Variants in TRPC7 observed in about 807,000 individuals in gnomAD.
TRPC7 encodes short transient receptor potential channel 7.
In TRPC7, 42 loss-of-function variants were observed where a neutral mutation model predicts 90.1. The observed-to-expected ratio is 0.47, with a 90% CI of 0.36 to 0.60. The LOEUF (loss-of-function observed/expected upper bound fraction) is 0.60, where lower values mean the gene tolerates loss of function less well. Ranked by LOEUF, TRPC7 falls within the 20% of genes least tolerant of loss-of-function variation. The probability of loss-of-function intolerance (pLI) is 0.00; values close to 1 mark genes in which losing one functional copy is unlikely to be tolerated. For missense variants in TRPC7, 955 were observed against 1,112.3 expected, an observed-to-expected ratio of 0.86 and a Z score of 2.01; for synonymous variants, 451 against 436.3, an observed-to-expected ratio of 1.03 and a Z score of -0.42.
chr5:136,272,560 T>C (rs960014133), intron 4 of TRPC7, among the ~76,000 whole-genome samples: 4 of 152,188 alleles, frequency 2.6e-5, no homozygotes, highest in Non-Finnish European at 2.9e-5. Context: ...TGCCACAGAC[T>C]GAGTTATCGA....
intron 7 of TRPC7, among the ~76,000 whole-genome samples, chr5:136,233,100 ATG>A (rs932860543): frequency 6.6e-6 from 1 of 152,158 alleles, no homozygotes; most frequent in East Asian, 1.9e-4. Context: ...GTGCGTGTGC[ATG>A]TGTGTGTGTC....
chr5:136,271,251 T>A (rs1218255771), intron 4 of TRPC7, among the ~76,000 whole-genome samples: 1 of 152,180 alleles, frequency 6.6e-6, no homozygotes, highest in African/African-American at 2.4e-5. Flanking sequence ...TGTTTACAGT[T>A]CCTCCTGCCT....
chr5:136,265,647 C>A (rs900423495), intron 5 of TRPC7, among the ~76,000 whole-genome samples: 8 of 152,144 alleles, frequency 5.3e-5, no homozygotes, highest in Admixed American at 5.2e-4. Flanking sequence ...AAATTGGGAA[C>A]AATTTCCTTG....
intron 4 of TRPC7, among the ~76,000 whole-genome samples, chr5:136,269,414 G>A (rs906820960): frequency 8.5e-5 from 13 of 152,210 alleles, no homozygotes; most frequent in Non-Finnish European, 1.6e-4. Flanking sequence ...CCAACTCTGT[G>A]TTCCATGCCA....
At chr5:136,299,688 A>T (rs1449791812) in intron 3 of TRPC7, among the ~76,000 whole-genome samples, 1 of 152,174 alleles carries the variant, frequency 6.6e-6, no homozygotes, top group Non-Finnish European at 1.5e-5. Flanking sequence ...ATGAGATAGA[A>T]ATGTGTAGAT....
In TRPC7 at chr5:136,266,316, G is replaced by T. The variant is rs1333806112; in HGVS notation, c.1249C>A (p.Pro417Thr). ...SDRFEGVKTLPNETFTDYPKQ... is the reference protein window; with the variant it reads ...SDRFEGVKTLTNETFTDYPKQ... ...GGGTAGTCTGTGAAGGTTTCGTTTGGCAGGGTTTTAACACCTTCAAATCGG... is the reference window on the plus strand; with the variant it reads ...GGGTAGTCTGTGAAGGTTTCGTTTGTCAGGGTTTTAACACCTTCAAATCGG... The change falls in exon 5 of 12, where the codon CCA (proline) becomes ACA (threonine). Residue 417 changes from proline (P) to threonine (T), a missense_variant. Around this residue, in one of 4 missense-constraint regions of TRPC7, gnomAD observed 484 missense variants for 509.6 expected, o/e 0.95. Coordinates refer to ENST00000513104, the MANE Select transcript of TRPC7 (RefSeq NM_020389.3). The T allele has an allele frequency of 6.2e-7, 1 of 1,613,842 alleles. No individual in the cohort carries two copies. The highest frequency in any genetic ancestry group is 2.2e-5 in the East Asian group (1 of 44,866).
chr5:136,217,200 G>C (rs1459219337), intron 10 of TRPC7, among the ~76,000 whole-genome samples: 1 of 152,166 alleles, frequency 6.6e-6, no homozygotes, highest in African/African-American at 2.4e-5. Flanking sequence ...GTGGCCTTCT[G>C]ACCTGCTCAC....
At chr5:136,253,424 G>A (rs1324851020) in intron 5 of TRPC7, among the ~76,000 whole-genome samples, 1 of 152,098 alleles carries the variant, frequency 6.6e-6, no homozygotes, top group Non-Finnish European at 1.5e-5. Context: ...CTTGTGTTGG[G>A]AAAGTCTATT....
intron 10 of TRPC7, among the ~76,000 whole-genome samples, chr5:136,221,258 G>C (rs1247094041): frequency 2.6e-5 from 4 of 152,166 alleles, no homozygotes; most frequent in Non-Finnish European, 4.4e-5. Flanking sequence ...TCCCTGCCCT[G>C]CCCCATGCAT....
intron 3 of TRPC7, among the ~76,000 whole-genome samples, chr5:136,287,729 A>C (rs10529545): frequency 6.1e-5 from 7 of 114,974 alleles, no homozygotes; most frequent in South Asian, 2.9e-4. Context: ...AAAAAAAAAA[A>C]CCCAGAAAAA....
At chr5:136,219,319 C>T (rs974241025) in intron 10 of TRPC7, among the ~76,000 whole-genome samples, 1 of 152,208 alleles carries the variant, frequency 6.6e-6, no homozygotes, top group African/African-American at 2.4e-5. Context: ...TCTCAGTATG[C>T]ATTAGGATTA....
chr5:136,363,103 T>C (rs1213339130), intron 1 of TRPC7, among the ~76,000 whole-genome samples: 2 of 152,158 alleles, frequency 1.3e-5, no homozygotes, highest in East Asian at 3.8e-4. Flanking sequence ...AATCAGTTTC[T>C]AATTAGCTCC....
intron 5 of TRPC7, among the ~76,000 whole-genome samples, chr5:136,252,381 T>C (rs1246222035): frequency 6.6e-6 from 1 of 152,120 alleles, no homozygotes; most frequent in South Asian, 2.1e-4. Flanking sequence ...TGTTTTTAAA[T>C]CCCAGATTAG....
At chr5:136,266,919 T>C (rs1050649450) in intron 4 of TRPC7, among the ~76,000 whole-genome samples, 8 of 152,250 alleles carry the variant, frequency 5.3e-5, no homozygotes, top group Non-Finnish European at 7.3e-5. Context: ...TTTAGCTGTA[T>C]TCTCCTAAAT....
At chr5:136,253,374 C>T (rs140112424) in intron 5 of TRPC7, among the ~76,000 whole-genome samples, 1 of 152,278 alleles carries the variant, frequency 6.6e-6, no homozygotes, top group East Asian at 1.9e-4. Context: ...TTGTGCTTCA[C>T]AGAGACTGTG....
At chr5:136,223,435 G>A (rs1016441209) in intron 10 of TRPC7, among the ~76,000 whole-genome samples, 1 of 152,016 alleles carries the variant, frequency 6.6e-6, no homozygotes, top group African/African-American at 2.4e-5. Context: ...CCAACATGGT[G>A]AAACCCCATC....
rs374143276 is a variant in TRPC7, at chr5:136,274,724, G to A, written c.1077C>T (p.Ser359=). ...AVKFLAVFGV[S]IGLPFLAIAY... ...CTATGGCGAGAAAAGGGAGGCCTAT[G>A]GAGACTCCAAAGACAGCCAGGAATT... Residue 359 remains serine, a synonymous_variant, in exon 4 of 12, where the codon TCC becomes TCT. Coordinates refer to ENST00000513104, the MANE Select transcript of TRPC7 (RefSeq NM_020389.3). 8 of 1,613,114 alleles carry A rather than the reference G, an allele frequency of 5.0e-6. No individual in the cohort carries two copies. Among genetic ancestry groups the A allele is most frequent in the Non-Finnish European group, 6.8e-6 (8 of 1,179,660 alleles).
intron 3 of TRPC7, among the ~76,000 whole-genome samples, chr5:136,291,693 G>A (rs1490581920): frequency 6.6e-6 from 1 of 152,064 alleles, no homozygotes; most frequent in Non-Finnish European, 1.5e-5. Flanking sequence ...AATAACAATG[G>A]GAGACTTTAA....
intron 3 of TRPC7, among the ~76,000 whole-genome samples, chr5:136,282,832 G>A (rs973429294): frequency 2.6e-5 from 4 of 152,170 alleles, no homozygotes; most frequent in African/African-American, 9.7e-5. Context: ...TGTATTAAAT[G>A]CCTATTGTTA....
Sources: allele counts gnomAD v4.1 joint callset (sites outside exome capture counted in the v4.1 genomes callset), GRCh38; gene constraint gnomAD v4.1.1; regional missense constraint gnomAD v4.1.1; transcripts MANE v1.5; gene names NCBI Gene and HGNC (gene_info 2026-07-23, HGNC 2026-07-21).